CYP4F3: variants seen among roughly 807,000 people sequenced by gnomAD.
CYP4F3 encodes cytochrome P450 family 4 subfamily F member 3.
CYP4F3 carries 50 observed loss-of-function variants against 54.8 expected under a neutral mutation model. The observed-to-expected ratio is 0.91, with a 90% CI of 0.73 to 1.16. The LOEUF (loss-of-function observed/expected upper bound fraction) is 1.16. Ranked by LOEUF, CYP4F3 falls within the 50% of genes most tolerant of loss-of-function variation. The pLI, the probability that CYP4F3 is intolerant of heterozygous loss-of-function variation, is 0.00. For missense variants in CYP4F3, 715 were observed against 676.2 expected (o/e 1.06, Z -0.64); for synonymous variants, 244 against 262.6 (o/e 0.93, Z 0.69).
chr19:15,646,920 C>G (rs1054492818), intron 3 of CYP4F3, 132 bp from the exon 4 acceptor site: 1 of 1,339,334 alleles, frequency 7.5e-7, no homozygotes, highest in Non-Finnish European at 1.0e-6. Context: ...TCTTCCTCTC[C>G]CCTTGACCCT....
chr19:15,653,839 G>A (rs983589691), intron 9 of CYP4F3, among the ~76,000 whole-genome samples: 1 of 151,802 alleles, frequency 6.6e-6, no homozygotes, highest in Non-Finnish European at 1.5e-5. Context: ...AGACTGACTT[G>A]TGGTGAGATG....
In CYP4F3 at chr19:15,645,730, G is replaced by A. The variant is rs61734303; in HGVS notation, c.210G>A (p.Ser70=). ...FLGHLGLIHS[S]EEGLLYTQSL... is the part of the protein sequence containing the mutation. The stretch of plus-strand genomic sequence containing the variant: ...GTCTTTCTCTCCAGATTCACAGCTC[G>A]GAGGAAGGTCTCCTATACACACAAA... Residue 70 remains serine (S), a synonymous_variant, in exon 3 of 13, where the codon TCG becomes TCA. Coordinates refer to ENST00000221307, the MANE Select transcript of CYP4F3 (RefSeq NM_000896.3). The A allele has an allele frequency of 1.2e-4, 186 of 1,609,062 alleles. No homozygotes were observed. Among genetic ancestry groups the A allele is most frequent in the African/African-American group, 1.5e-4 (11 of 74,828 alleles).
At chr19:15,648,110 C>A (rs369261563) in intron 5 of CYP4F3, among the ~76,000 whole-genome samples, 1 of 151,734 alleles carries the variant, frequency 6.6e-6, no homozygotes, top group South Asian at 2.1e-4. Flanking sequence ...AGAATTGGGG[C>A]GAAGGTTTTG....
Position 15,643,335 on chromosome 19 carries a change from CAGAT to C in CYP4F3, c.198+1728_198+1731del, listed in dbSNP as rs796974733. Among the ~76,000 whole-genome samples the C allele has an allele frequency of 2.1e-3, 276 of 130,612 alleles. 1 individual carries two copies. Among genetic ancestry groups the C allele is most frequent in the Middle Eastern group, 7.6e-3 (2 of 262 alleles). The allele number at this position is 130,612 out of a possible 152,430, so 85.7% of individuals were successfully genotyped here. A position where few individuals can be genotyped will look rare whatever the true frequency, so the allele number is the denominator to read the frequency against. ...TAGATTAGATAGATAGATAGATAGACAGATAGATACATACATACATACATATATA... is the reference window on the plus strand; with the variant it reads ...TAGATTAGATAGATAGATAGATAGACAGATACATACATACATACATATATA... On this transcript the variant is annotated intron_variant, in intron 2 of 12. Transcript: ENST00000221307.
intron 9 of CYP4F3, among the ~76,000 whole-genome samples, chr19:15,656,497 CTATCTAT>C (rs1973016214): frequency 4.1e-5 from 3 of 73,834 alleles, no homozygotes; most frequent in Non-Finnish European, 7.3e-5. Context: ...ATCTATCTAT[CTATCTAT>C]CTATCTATCT....
At chr19:15,652,449 C>A (rs1257176033) in intron 7 of CYP4F3, 120 bp from the exon 8 acceptor site, 6 of 1,456,322 alleles carry the variant, frequency 4.1e-6, no homozygotes, top group Non-Finnish European at 5.6e-6. Flanking sequence ...GCAAGATGGG[C>A]TTGGGTTTCT....
In CYP4F3 at chr19:15,660,719, A is replaced by AT. The variant is rs200588031; in HGVS notation, c.*1349dup. 0.13 allele frequency: 19,212 copies of AT among 143,264 alleles called. 1,443 individuals are homozygous for AT. The highest frequency in any genetic ancestry group is 0.19 in the Middle Eastern group (55 of 288). The allele number at this position is 143,264 out of a possible 1,614,324, so 8.9% of individuals were successfully genotyped here. A position where few individuals can be genotyped will look rare whatever the true frequency, so the allele number is the denominator to read the frequency against. ...GACAAGACTTTGACAGGGGTGCCTAATTTTTTTTTTTTTTTGAGATGGAGT... is the reference window on the plus strand; with the variant it reads ...GACAAGACTTTGACAGGGGTGCCTAATTTTTTTTTTTTTTTTGAGATGGAGT... On this transcript the variant is annotated 3_prime_UTR_variant, in exon 13 of 13. Coordinates refer to ENST00000221307, the MANE Select transcript of CYP4F3 (RefSeq NM_000896.3).
chr19:15,648,036 C>G (rs1047814908), intron 5 of CYP4F3, among the ~76,000 whole-genome samples: 2 of 152,082 alleles, frequency 1.3e-5, no homozygotes, highest in African/African-American at 4.8e-5. Context: ...AAAATAGGCT[C>G]TGTCTATTAT....
Position 15,641,492 on chromosome 19 carries a change from G to C in CYP4F3, c.77G>C (p.Gly26Ala), listed in dbSNP as rs760336341. ...ASPWLLLLLVGASWLLARILA... is the reference protein window; with the variant it reads ...ASPWLLLLLVAASWLLARILA... Reference sequence around the variant, plus strand: ...CCGTGGCTGCTCCTGCTGCTGGTTGGGGCCTCCTGGCTCCTGGCCCGCATC... The same window carrying C: ...CCGTGGCTGCTCCTGCTGCTGGTTGCGGCCTCCTGGCTCCTGGCCCGCATC... The change falls in exon 2 of 13, where the codon GGG (glycine) becomes GCG (alanine). Residue 26 changes from glycine (G) to alanine (A), a missense_variant. Gly to Ala is a moderately conservative substitution (Grantham distance 60, BLOSUM62 0). Transcript: ENST00000221307. The C allele has an allele frequency of 1.9e-5, 30 of 1,614,082 alleles. 1 individual carries two copies. The highest frequency in any genetic ancestry group is 2.4e-5 in the Non-Finnish European group (28 of 1,180,058).
rs1972716998 is a variant in CYP4F3 at position 15,649,273 on chromosome 19, T to A, written c.639T>A (p.His213Gln). Residue 213 changes from histidine to glutamine, a missense_variant, in exon 6 of 13, where the codon CAT becomes CAA. Transcript: ENST00000221307. ...AATGTGTCTTCAGCTTTGACAGCCA[T>A]TGCCAGGAGTAAGTTCTTGCCCAGG... is the stretch of plus-strand genomic sequence containing the variant. The part of the protein sequence containing the change: ...LQKCVFSFDS[H>Q]CQEKPSEYIA... 6.2e-7 allele frequency: 1 copy of A among 1,612,876 alleles called. No individual in the cohort carries two copies. The highest frequency in any genetic ancestry group is 1.3e-5 in the African/African-American group (1 of 74,964).
At position 15,652,558 on chromosome 19, in the gene CYP4F3, CTT is replaced by C. The variant is rs1198741255; in HGVS notation, c.919-10_919-9del. 2.5e-6 allele frequency: 4 copies of C among 1,613,938 alleles called. No individual in the cohort carries two copies. The African/African-American group carries it at 5.3e-5, about 22-fold the overall frequency. Reference sequence around the variant, plus strand: ...GGGGGTGGGGGTGGGGGGTTATTGCCTTCTCTCCAGGATGAAGATGGGAAGAA... The same window carrying C: ...GGGGGTGGGGGTGGGGGGTTATTGCCCTCTCCAGGATGAAGATGGGAAGAA... On this transcript the variant is annotated splice_polypyrimidine_tract_variant and intron_variant, in intron 7 of 12. Transcript: ENST00000221307.
chr19:15,645,640 G>T, intron 2 of CYP4F3, 79 bp from the exon 3 acceptor site: 1 of 1,499,176 alleles, frequency 6.7e-7, no homozygotes, highest in Non-Finnish European at 9.0e-7. Flanking sequence ...CAGGGAGAGG[G>T]CTTCCACCTC....
chr19:15,650,377 A>C, intron 7 of CYP4F3, 194 bp downstream of exon 7: 1 of 1,085,312 alleles, frequency 9.2e-7, no homozygotes, highest in Non-Finnish European at 1.3e-6. Context: ...GCTAAATGAA[A>C]TTGTGATGAG....
intron 10 of CYP4F3, 39 bp from the exon 11 acceptor site, chr19:15,658,452 C>T (rs756679006): frequency 1.3e-5 from 21 of 1,613,746 alleles, no homozygotes; most frequent in Middle Eastern, 3.3e-4. Context: ...GCCCCTCAGG[C>T]AGGGAGCATT....
chr19:15,645,579 C>A, intron 2 of CYP4F3, 140 bp from the exon 3 acceptor site: 1 of 1,125,228 alleles, frequency 8.9e-7, no homozygotes, highest in South Asian at 1.7e-5. Context: ...GAGGAGGAAG[C>A]CCAGTGGGGG....
At chr19:15,645,147 A>T (rs1487824835) in intron 2 of CYP4F3, among the ~76,000 whole-genome samples, 1 of 152,218 alleles carries the variant, frequency 6.6e-6, no homozygotes, top group Non-Finnish European at 1.5e-5. Flanking sequence ...CATGACGTCA[A>T]CAATGAGTCC....
chr19:15,652,525 C>G, intron 7 of CYP4F3, 44 bp from the exon 8 acceptor site: 1 of 1,446,192 alleles, frequency 6.9e-7, no homozygotes, highest in Non-Finnish European at 9.1e-7. Flanking sequence ...GGTACTGTGA[C>G]TTTTTATGGG....
At chr19:15,648,189 G>T (rs1972687428) in intron 5 of CYP4F3, among the ~76,000 whole-genome samples, 1 of 151,952 alleles carries the variant, frequency 6.6e-6, no homozygotes, top group Non-Finnish European at 1.5e-5. Context: ...AATTATTCTG[G>T]AAGAACAAGA....
Position 15,650,854 on chromosome 19 carries a change from CTTTCT to C in CYP4F3, c.918+674_918+678del, listed in dbSNP as rs1972826988. ...TCTTTCTTTCTTTCTTTCTTTCTTT[CTTTCT>C]TTCTTTCTTTTTCTCTCTCTCTCTT... On this transcript the variant is annotated intron_variant, in intron 7 of 12. Coordinates refer to ENST00000221307, the MANE Select transcript of CYP4F3 (RefSeq NM_000896.3). Among the ~76,000 whole-genome samples, 2 of 40,040 alleles carry C rather than the reference CTTTCT, an allele frequency of 5.0e-5. 1 individual carries two copies. Among genetic ancestry groups the C allele is most frequent in the African/African-American group, 1.8e-4 (2 of 10,818 alleles). 26.3% of individuals were successfully genotyped at this position (40,040 alleles called of 152,430 possible).
Sources: allele counts gnomAD v4.1 joint callset (sites outside exome capture counted in the v4.1 genomes callset), GRCh38; gene constraint gnomAD v4.1.1; transcripts MANE v1.5; gene names NCBI Gene and HGNC (gene_info 2026-07-23, HGNC 2026-07-21).